The following WDR20 variants were observed in gnomAD, a reference collection of about 807,000 sequenced individuals.
The protein encoded by WDR20 is WD repeat-containing protein 20.
Under a neutral mutation model 38.7 loss-of-function variants are expected in WDR20, and 3 were observed. That is an observed-to-expected ratio of 0.08 (90% CI 0.04 to 0.20). The LOEUF (loss-of-function observed/expected upper bound fraction) is 0.20, where lower values mean the gene tolerates loss of function less well. Ranked by LOEUF, WDR20 falls within the 10% of genes least tolerant of loss-of-function variation. WDR20 has a pLI of 1.00. For synonymous variants in WDR20, 298 were observed against 285.6 expected (o/e 1.04, Z -0.44); for missense variants, 559 against 727.7 (o/e 0.77, Z 2.67).
chr14:102,215,763 G>A (rs957776660), downstream of WDR20, among the ~76,000 whole-genome samples: 5 of 152,172 alleles, frequency 3.3e-5, no homozygotes, highest in Non-Finnish European at 5.9e-5. Flanking sequence ...GCCCGTCGTC[G>A]GTGCAGAGCG....
chr14:102,224,662 C>T (rs1225014686), downstream of WDR20: 1 of 456,048 alleles, frequency 2.2e-6, no homozygotes, highest in East Asian at 6.9e-5. Context: ...CGGAAAACTT[C>T]ACATCAGCTC....
At chr14:102,161,129 TA>T (rs2058571335) in intron 1 of WDR20, among the ~76,000 whole-genome samples, 1 of 7,956 alleles carries the variant, frequency 1.3e-4, no homozygotes, top group Admixed American at 1.2e-3. Context: ...TGCATATATA[TA>T]TATATATATA....
chr14:102,161,136 ATATATATTT>A (rs1265257380), intron 1 of WDR20, among the ~76,000 whole-genome samples: 3 of 9,856 alleles, frequency 3.0e-4, no homozygotes, highest in Non-Finnish European at 6.0e-4. Context: ...ATATATATAT[ATATATATTT>A]TTTTTTTTTT....
chr14:102,155,324 T>C (rs2057114487), intron 1 of WDR20, among the ~76,000 whole-genome samples: 1 of 152,254 alleles, frequency 6.6e-6, no homozygotes, highest in Non-Finnish European at 1.5e-5. Context: ...GGGCTGCAAC[T>C]GACTCATTCT....
At chr14:102,224,551 C>CTAT (rs1555412100), downstream of WDR20, 4 of 455,966 alleles carry the variant, frequency 8.8e-6, no homozygotes, top group African/African-American at 6.0e-5. Flanking sequence ...TGTCTGAAAC[C>CTAT]TATTTCTCTA....
intron 2 of WDR20, among the ~76,000 whole-genome samples, chr14:102,201,697 A>T (rs747497776): frequency 6.6e-6 from 1 of 152,232 alleles, no homozygotes; most frequent in South Asian, 2.1e-4. Flanking sequence ...CTTGACGTAC[A>T]TAGAAATGTG....
At chr14:102,205,610 T>C (rs1596929627) in intron 2 of WDR20, among the ~76,000 whole-genome samples, 3 of 152,222 alleles carry the variant, frequency 2.0e-5, no homozygotes, top group African/African-American at 7.2e-5. Flanking sequence ...TGATTGGAAG[T>C]GAGGGCCAGC....
intron 2 of WDR20, chr14:102,198,239 G>A: frequency 3.7e-6 from 1 of 268,164 alleles, no homozygotes; most frequent in Non-Finnish European, 7.5e-6. Flanking sequence ...AGCTATTCTT[G>A]TGCCTCACCC....
downstream of WDR20, among the ~76,000 whole-genome samples, chr14:102,217,700 C>A (rs985323484): frequency 1.3e-5 from 2 of 152,206 alleles, no homozygotes; most frequent in African/African-American, 4.8e-5. Context: ...TGGCTGCTTT[C>A]TCCAGGTTTG....
intron 1 of WDR20, among the ~76,000 whole-genome samples, chr14:102,192,998 TA>T (rs57269658): frequency 0.098 from 13,758 of 140,360 alleles, 1,292 homozygotes; most frequent in African/African-American, 0.25. Flanking sequence ...TTAAGCAAAC[TA>T]AAAAAAAAAA....
At chr14:102,156,103 C>G (rs2057316109) in intron 1 of WDR20, among the ~76,000 whole-genome samples, 1 of 150,866 alleles carries the variant, frequency 6.6e-6, no homozygotes, top group Non-Finnish European at 1.5e-5. Flanking sequence ...TTTCATATCA[C>G]ATTGTGGTTG....
At chr14:102,214,985 C>T, downstream of WDR20, 7 of 984,526 alleles carry the variant, frequency 7.1e-6, no homozygotes, top group South Asian at 4.7e-5. Flanking sequence ...ATTAAATAAA[C>T]GTGTGTGAGT....
rs975871188 is a variant in WDR20 at position 102,208,406 on chromosome 14, C to G, written c.433-197C>G. ...TCCGTGAAAGCCAGCAGCCTAACACCGATTTTAGAAAGTAATTCTAAATTA... is the reference window on the plus strand; with the variant it reads ...TCCGTGAAAGCCAGCAGCCTAACACGGATTTTAGAAAGTAATTCTAAATTA... On this transcript the variant is annotated intron_variant, in intron 2 of 2. Transcript: ENST00000342702. This position sits in a 1 kb window ranked among gnomAD's most constrained non-coding sequence, Gnocchi z 5.6. 6.6e-6 allele frequency among the ~76,000 whole-genome samples: 1 copy of G among 152,192 alleles called. No homozygotes were observed. The highest frequency in any genetic ancestry group is 2.4e-5 in the African/African-American group (1 of 41,464).
downstream of WDR20, chr14:102,214,721 C>T (rs1021067533): frequency 7.1e-6 from 7 of 981,098 alleles, no homozygotes; most frequent in Non-Finnish European, 8.5e-6. Flanking sequence ...ATATTTTCAT[C>T]CAATTTCTTG....
chr14:102,214,230 C>T, downstream of WDR20: 7 of 985,232 alleles, frequency 7.1e-6, no homozygotes, highest in Non-Finnish European at 8.4e-6. Flanking sequence ...ACCACCCTGG[C>T]AGCAGCCTGC....
rs1438124699 is a variant in WDR20, at chr14:102,193,222, G to A, written c.250-1716G>A. The stretch of plus-strand genomic sequence containing the variant: ...CCAGGATTCTCTTTCCCTGCCATCC[G>A]AGCCGCTCAGAAGCTGCCTTCCTCA... On this transcript the variant is annotated intron_variant, in intron 1 of 2. Transcript: ENST00000342702. Among the ~76,000 whole-genome samples the A allele has an allele frequency of 2.7e-5, 4 of 150,292 alleles. No homozygotes were observed. In the Admixed American group the frequency reaches 2.7e-4, roughly 10 times the overall value.
chr14:102,202,669 T>C (rs12883945), intron 2 of WDR20, among the ~76,000 whole-genome samples: 53,618 of 151,766 alleles, frequency 0.35, 13,224 homozygotes, highest in African/African-American at 0.71. Context: ...TGTGAGCCAC[T>C]GCGCCGGGCC....
chr14:102,215,961 C>T (rs2063169925), downstream of WDR20, among the ~76,000 whole-genome samples: 1 of 152,226 alleles, frequency 6.6e-6, no homozygotes, highest in South Asian at 2.1e-4. Flanking sequence ...TGGCCTCAGA[C>T]ACAGCCCTTC....
chr14:102,184,598 T>C (rs2064148846), intron 1 of WDR20, among the ~76,000 whole-genome samples: 1 of 152,080 alleles, frequency 6.6e-6, no homozygotes, highest in Admixed American at 6.6e-5. Flanking sequence ...AAGGAGGGGC[T>C]TTTGCTGGCC....
Sources: gnomAD v4.1 joint callset for allele counts (sites outside exome capture counted in the v4.1 genomes callset) on GRCh38, gnomAD v4.1.1 for gene constraint, Gnocchi (gnomAD v3.1) non-coding constraint, MANE v1.5 for transcripts, NCBI Gene and HGNC (gene_info 2026-07-23, HGNC 2026-07-21) for gene names.